The following AGAP1 variants were observed in gnomAD, a reference collection of about 807,000 sequenced individuals.
The protein encoded by AGAP1 is arf-GAP with GTPase, ANK repeat and PH domain-containing protein 1.
In AGAP1, 29 loss-of-function variants were observed where a neutral mutation model predicts 105.3. That is an observed-to-expected ratio of 0.28 (90% CI 0.21 to 0.38). AGAP1 has a LOEUF of 0.38. Among genes scored for constraint, AGAP1 ranks in the 10% least tolerant of loss-of-function variants. The pLI is 1.00. For synonymous variants in AGAP1, 509 were observed against 485.9 expected (o/e 1.05, Z -0.63); for missense variants, 998 against 1,165.1 (o/e 0.86, Z 2.09).
rs1470940275 is a variant in AGAP1 at position 235,882,862 on chromosome 2, G to C, written c.1051-483G>C. On this transcript the variant is annotated intron_variant, in intron 9 of 17. Transcript: ENST00000304032. This position sits in a 1 kb window ranked among gnomAD's most constrained non-coding sequence, Gnocchi z 4.6. The stretch of plus-strand genomic sequence containing the variant: ...TTCACTCGCTTTGTCACCCAGGCTG[G>C]AGTACGGTGGTACAATCATAGCTCA... 1.3e-5 allele frequency among the ~76,000 whole-genome samples: 2 copies of C among 151,700 alleles called. No homozygotes were observed. Among genetic ancestry groups the C allele is most frequent in the Admixed American group, 6.6e-5 (1 of 15,210 alleles).
In AGAP1 at chr2:235,732,554, G is replaced by T. The variant is rs1952011793; in HGVS notation, c.311-8409G>T. On this transcript the variant is annotated intron_variant, in intron 3 of 17. Coordinates refer to ENST00000304032, the MANE Select transcript of AGAP1 (RefSeq NM_001037131.3). The surrounding 1 kb of genome is among the most constrained non-coding windows in gnomAD (Gnocchi z 4.8). ...TTTGAGCTTTGTTTTCTTCTCCATTGTTGCTTTGTTTCTCTTCTGTTCCCT... is the reference window on the plus strand; with the variant it reads ...TTTGAGCTTTGTTTTCTTCTCCATTTTTGCTTTGTTTCTCTTCTGTTCCCT... Among the ~76,000 whole-genome samples the T allele has an allele frequency of 1.3e-5, 2 of 152,098 alleles. No individual in the cohort carries two copies. The highest frequency in any genetic ancestry group is 4.8e-5 in the African/African-American group (2 of 41,408).
rs1951764254 is a variant in AGAP1 at position 235,728,366 on chromosome 2, TGCCA to T, written c.310+10723_310+10726del. On this transcript the variant is annotated intron_variant, in intron 3 of 17. Transcript: ENST00000304032. The surrounding 1 kb of genome is among the most constrained non-coding windows in gnomAD (Gnocchi z 4.3). ...CAATGTAAATTAGGCTATATACAGC[TGCCA>T]ATAATCTGCAAAAGATGACAGTTTC... Among the ~76,000 whole-genome samples, 1 of 151,394 alleles carries T rather than the reference TGCCA, an allele frequency of 6.6e-6. No homozygotes were observed. Among genetic ancestry groups the T allele is most frequent in the Admixed American group, 6.6e-5 (1 of 15,228 alleles).
intron 1 of AGAP1, among the ~76,000 whole-genome samples, chr2:235,538,460 T>TGTGTGTGTGTGTGTGTGCGC (rs1553561884): frequency 9.3e-5 from 14 of 150,442 alleles, no homozygotes; most frequent in African/African-American, 2.7e-4. Context: ...TGTGTGTGTG[T>TGTGTGTGTGTGTGTGTGCGC]GCATGCTTGT....
At chr2:236,033,979 C>T (rs932445782) in intron 13 of AGAP1, among the ~76,000 whole-genome samples, 30 of 152,174 alleles carry the variant, frequency 2.0e-4, no homozygotes, top group African/African-American at 7.2e-4. Context: ...GTGAGCCTGT[C>T]GAGTTGATCT....
intron 1 of AGAP1, among the ~76,000 whole-genome samples, chr2:235,646,708 G>A (rs1947399421): frequency 6.6e-6 from 1 of 152,162 alleles, no homozygotes. Flanking sequence ...TAAGTTCAAG[G>A]TCACTGCTGG....
rs117468961 is a variant in AGAP1 at position 235,715,838 on chromosome 2, G to A, written c.223-1719G>A. On this transcript the variant is annotated intron_variant, in intron 2 of 17. Transcript: ENST00000304032. ...GCGGACTCCCTGACTTCCAGCCACT[G>A]GGAGTCGGGGATGGCCTCCAGCTTT... Among the ~76,000 whole-genome samples, 127 of 152,278 alleles carry A rather than the reference G, an allele frequency of 8.3e-4. 3 individuals carry two copies. The East Asian group carries it at 0.02, about 24-fold the overall frequency.
At chr2:236,116,936 C>T (rs1258949576) in intron 16 of AGAP1, among the ~76,000 whole-genome samples, 1 of 152,154 alleles carries the variant, frequency 6.6e-6, no homozygotes, top group Non-Finnish European at 1.5e-5. Context: ...TAACCCATTC[C>T]TTTTTATGGC....
intron 1 of AGAP1, among the ~76,000 whole-genome samples, chr2:235,514,858 A>G (rs1942314247): frequency 6.6e-6 from 1 of 152,216 alleles, no homozygotes; most frequent in African/African-American, 2.4e-5. Context: ...TGTAGGGCAC[A>G]GTCTGTGTAG....
In AGAP1 at chr2:235,961,316, C is replaced by T. The variant is rs2054176821; in HGVS notation, c.1484-7146C>T. Among the ~76,000 whole-genome samples, 1 of 152,212 alleles carries T rather than the reference C, an allele frequency of 6.6e-6. No homozygotes were observed. Among genetic ancestry groups the T allele is most frequent in the Non-Finnish European group, 1.5e-5 (1 of 68,038 alleles). On this transcript the variant is annotated intron_variant, in intron 12 of 17. Coordinates refer to ENST00000304032, the MANE Select transcript of AGAP1 (RefSeq NM_001037131.3). The surrounding 1 kb of genome is among the most constrained non-coding windows in gnomAD (Gnocchi z 5.9). ...TAAAACTTCCTGGTGTCCCTTCTGC[C>T]TGCCTAGCAGAACCCCTCCACACGG...
chr2:235,513,808 G>A (rs1297309746), intron 1 of AGAP1, among the ~76,000 whole-genome samples: 2 of 152,172 alleles, frequency 1.3e-5, no homozygotes, highest in African/African-American at 4.8e-5. Flanking sequence ...TGTGCTTGAT[G>A]GGGTCTAGAA....
intron 1 of AGAP1, among the ~76,000 whole-genome samples, chr2:235,522,651 G>A (rs1422487788): frequency 6.6e-6 from 1 of 152,158 alleles, no homozygotes; most frequent in Non-Finnish European, 1.5e-5. Flanking sequence ...TGATGCCGAT[G>A]AAGAGGCTGG....
At chr2:235,520,192 A>G (rs915803271) in intron 1 of AGAP1, among the ~76,000 whole-genome samples, 1 of 152,178 alleles carries the variant, frequency 6.6e-6, no homozygotes, top group African/African-American at 2.4e-5. Flanking sequence ...ACATTACCAC[A>G]CTTTAGAAAA....
At chr2:236,098,659 C>G (rs2059257020) in intron 16 of AGAP1, among the ~76,000 whole-genome samples, 1 of 109,966 alleles carries the variant, frequency 9.1e-6, no homozygotes, top group Admixed American at 1.0e-4. Flanking sequence ...GGGTCTTGCT[C>G]TGTTGCCCAG....
At chr2:235,876,864 T>TG (rs1178633293) in intron 9 of AGAP1, among the ~76,000 whole-genome samples, 1 of 138,874 alleles carries the variant, frequency 7.2e-6, no homozygotes, top group Non-Finnish European at 1.6e-5. Flanking sequence ...TTTTTTTTTT[T>TG]GAGACAGAGT....
intron 12 of AGAP1, among the ~76,000 whole-genome samples, chr2:235,941,399 G>T (rs549272371): frequency 9.2e-5 from 14 of 152,168 alleles, no homozygotes; most frequent in Admixed American, 9.2e-4. Flanking sequence ...CCACTGCCCT[G>T]GCCCTGGGAG....
Position 235,709,244 on chromosome 2 carries a change from G to C in AGAP1, c.222+7G>C. ...TGTCCCGGAGCTCAAAGTGGTGAGT[G>C]GTTCCCTCTGGCCCTGGCACCTGTG... On this transcript the variant is annotated splice_region_variant and intron_variant, in intron 2 of 17. Transcript: ENST00000304032. The C allele has an allele frequency of 6.2e-7, 1 of 1,613,986 alleles. No individual in the cohort carries two copies. The highest frequency in any genetic ancestry group is 8.5e-7 in the Non-Finnish European group (1 of 1,179,942).
chr2:235,768,489 G>A (rs559400469), intron 6 of AGAP1, among the ~76,000 whole-genome samples: 1 of 152,244 alleles, frequency 6.6e-6, no homozygotes, highest in East Asian at 1.9e-4. Context: ...GTAAAAGTGG[G>A]TATTTCATCA....
In AGAP1 at chr2:235,905,333, G is replaced by C. The variant is rs538303982; in HGVS notation, c.1156-3405G>C. Among the ~76,000 whole-genome samples, 1 of 152,114 alleles carries C rather than the reference G, an allele frequency of 6.6e-6. No individual in the cohort carries two copies. The highest frequency in any genetic ancestry group is 1.5e-5 in the Non-Finnish European group (1 of 68,036). On this transcript the variant is annotated intron_variant, in intron 10 of 17. Transcript: ENST00000304032. This position sits in a 1 kb window ranked among gnomAD's most constrained non-coding sequence, Gnocchi z 4.2. ...AGTTGATATTTTTAAAGGAGTAACT[G>C]TGCAAGAAGGAATTCATTATTTACA...
chr2:235,611,506 C>T lies in AGAP1; in HGVS notation c.164-97673C>T, dbSNP rs904007951. Among the ~76,000 whole-genome samples, 3 of 152,088 alleles carry T rather than the reference C, an allele frequency of 2.0e-5. No homozygotes were observed. Among genetic ancestry groups the T allele is most frequent in the African/African-American group, 7.2e-5 (3 of 41,398 alleles). ...TAACATGGGGTGGGTGGTTCTGATT[C>T]CTGTTTTGAGGTGGTGATTTATGAT... On this transcript the variant is annotated intron_variant, in intron 1 of 17. Coordinates refer to ENST00000304032, the MANE Select transcript of AGAP1 (RefSeq NM_001037131.3). This position sits in a 1 kb window ranked among gnomAD's most constrained non-coding sequence, Gnocchi z 5.0.
Sources: gnomAD v4.1 joint callset for allele counts (sites outside exome capture counted in the v4.1 genomes callset) on GRCh38, gnomAD v4.1.1 for gene constraint, Gnocchi (gnomAD v3.1) non-coding constraint, MANE v1.5 for transcripts, NCBI Gene and HGNC (gene_info 2026-07-23, HGNC 2026-07-21) for gene names.